The following CFAP119 variants were observed in gnomAD, a reference collection of about 807,000 sequenced individuals.
CFAP119 encodes the protein cilia- and flagella-associated protein 119.
At chr16:30,760,750 G>C in the CFAP119 span, 4 of 1,299,612 alleles carry the variant, frequency 3.1e-6, no homozygotes, top group Middle Eastern at 1.8e-4. Flanking sequence ...GAGACTGGGA[G>C]TTGGCCACCG....
the CFAP119 span, chr16:30,760,588 G>GCC: frequency 6.4e-7 from 1 of 1,560,832 alleles, no homozygotes; most frequent in Non-Finnish European, 8.7e-7. Context: ...CTCTTCCCAC[G>GCC]CCCCCCTCAG....
chr16:30,761,896 C>A, the CFAP119 span: 2 of 771,802 alleles, frequency 2.6e-6, no homozygotes, highest in Non-Finnish European at 4.0e-6. Context: ...GGGGCGAATC[C>A]GTGGGGGCGT....
chr16:30,759,357 G>GT, the CFAP119 span: 2 of 1,614,168 alleles, frequency 1.2e-6, no homozygotes, highest in East Asian at 4.5e-5. Flanking sequence ...GTGTGAAGAC[G>GT]TATTTATAGA....
chr16:30,761,496 G>T, the CFAP119 span: 13 of 1,532,862 alleles, frequency 8.5e-6, no homozygotes, highest in Non-Finnish European at 1.1e-5. Flanking sequence ...GCCTGCGGGG[G>T]AGCCGGTTTA....
At chr16:30,759,763 T>C in the CFAP119 span, 2 of 1,570,684 alleles carry the variant, frequency 1.3e-6, no homozygotes, top group Non-Finnish European at 1.7e-6. Context: ...AGGCCCTCTC[T>C]GGTATCCATT....
At chr16:30,757,704 A>G in the CFAP119 span, 6 of 1,557,856 alleles carry the variant, frequency 3.9e-6, no homozygotes, top group Non-Finnish European at 5.2e-6. Context: ...GCTGTCTGGC[A>G]ATGGGGGGAT....
the CFAP119 span, chr16:30,761,617 C>G: frequency 4.6e-6 from 7 of 1,536,134 alleles, no homozygotes; most frequent in East Asian, 2.4e-5. Flanking sequence ...TCCGCACACT[C>G]GCACGCGTCC....
chr16:30,761,431 C>G, the CFAP119 span: 2 of 1,469,994 alleles, frequency 1.4e-6, no homozygotes, highest in Non-Finnish European at 9.3e-7. Flanking sequence ...TGCCTCTCCT[C>G]GCCCAAGCAG....
At chr16:30,761,289 C>A in the CFAP119 span, 1 of 1,609,430 alleles carries the variant, frequency 6.2e-7, no homozygotes, top group Non-Finnish European at 8.5e-7. Context: ...TAGCGAATCT[C>A]CAGCAGGCCG....
the CFAP119 span, chr16:30,761,184 C>A: frequency 6.2e-7 from 1 of 1,613,680 alleles, no homozygotes; most frequent in Non-Finnish European, 8.5e-7. Flanking sequence ...TAATTTTTGT[C>A]TCTTCACACT....
chr16:30,759,494 C>G, the CFAP119 span: 3 of 1,614,212 alleles, frequency 1.9e-6, no homozygotes, highest in Non-Finnish European at 2.5e-6. Flanking sequence ...CCCTGACTAC[C>G]TTCCGGAGCC....
the CFAP119 span, chr16:30,761,828 T>A: frequency 7.4e-7 from 1 of 1,350,190 alleles, no homozygotes; most frequent in Non-Finnish European, 9.9e-7. Flanking sequence ...GGTCGGCGGC[T>A]ACCAAGGCCG....
At chr16:30,757,681 G>C in the CFAP119 span, 2 of 1,589,270 alleles carry the variant, frequency 1.3e-6, no homozygotes, top group Non-Finnish European at 8.6e-7. Context: ...GAAGGGGCAG[G>C]GTGAGGAGAG....
chr16:30,761,887 G>C, the CFAP119 span: 12 of 858,790 alleles, frequency 1.4e-5, no homozygotes, highest in Non-Finnish European at 2.1e-5. Context: ...AGGCGCGGCG[G>C]GGCGAATCCG....
the CFAP119 span, chr16:30,759,141 T>C: frequency 6.2e-7 from 1 of 1,614,204 alleles, no homozygotes; most frequent in South Asian, 1.1e-5. Context: ...GCCCCAGGCC[T>C]GGCCCAGCCC....
the CFAP119 span, chr16:30,759,177 C>T: frequency 1.2e-6 from 2 of 1,614,224 alleles, no homozygotes; most frequent in South Asian, 2.2e-5. Flanking sequence ...CTCTCCCTTA[C>T]CCGTCTCACT....
the CFAP119 span, chr16:30,761,639 C>G: frequency 5.9e-6 from 9 of 1,535,954 alleles, no homozygotes; most frequent in African/African-American, 1.2e-4. Flanking sequence ...CGCGGCCGAC[C>G]CATGCACTGA....
At chr16:30,761,911 C>T in the CFAP119 span, 1 of 702,744 alleles carries the variant, frequency 1.4e-6, no homozygotes. Context: ...GGGCGTCTCC[C>T]TCCGTCTCAA....
the CFAP119 span, chr16:30,759,282 G>A: frequency 4.3e-6 from 7 of 1,613,738 alleles, no homozygotes; most frequent in Non-Finnish European, 4.2e-6. Flanking sequence ...TGAAAGGAGT[G>A]CACCTGTGCT....
Sources: allele counts gnomAD v4.1 joint callset, GRCh38; gene constraint gnomAD v4.1.1; transcripts MANE v1.5; gene names NCBI Gene and HGNC (gene_info 2026-07-23, HGNC 2026-07-21).